MPPED2: variants seen among roughly 807,000 people sequenced by gnomAD.
The protein encoded by MPPED2 is metallophosphoesterase domain containing 2.
In MPPED2, 5 loss-of-function variants were observed where a neutral mutation model predicts 33.0. That is an observed-to-expected ratio of 0.15 (90% CI 0.08 to 0.32). MPPED2 has a LOEUF of 0.32. Ranked by LOEUF, MPPED2 falls within the 10% of genes least tolerant of loss-of-function variation. The pLI is 1.00. For missense variants in MPPED2, 275 were observed against 372.1 expected (o/e 0.74, Z 2.15); for synonymous variants, 136 against 141.9 (o/e 0.96, Z 0.29).
At chr11:30,467,484 T>G (rs950884555) in intron 4 of MPPED2, among the ~76,000 whole-genome samples, 1 of 152,034 alleles carries the variant, frequency 6.6e-6, no homozygotes, top group African/African-American at 2.4e-5. Context: ...TTGCCTGATT[T>G]TAAGGGCCCA....
intron 4 of MPPED2, among the ~76,000 whole-genome samples, chr11:30,467,074 C>T (rs1950740364): frequency 1.3e-5 from 2 of 152,160 alleles, no homozygotes; most frequent in African/African-American, 4.8e-5. Flanking sequence ...TCTAAGAAGA[C>T]CTCGTGCCCC....
At chr11:30,510,251 C>T (rs1223455046) in intron 3 of MPPED2, among the ~76,000 whole-genome samples, 2 of 152,072 alleles carry the variant, frequency 1.3e-5, no homozygotes, top group African/African-American at 4.8e-5. Flanking sequence ...TAAACATGAG[C>T]TTAAGCCAGG....
chr11:30,521,297 T>A (rs1454399411), intron 3 of MPPED2, among the ~76,000 whole-genome samples: 1 of 152,148 alleles, frequency 6.6e-6, no homozygotes, highest in Non-Finnish European at 1.5e-5. Context: ...TATAGGGATG[T>A]AACCATATGT....
intron 3 of MPPED2, among the ~76,000 whole-genome samples, chr11:30,507,028 A>T (rs1465022992): frequency 6.6e-6 from 1 of 152,258 alleles, no homozygotes; most frequent in African/African-American, 2.4e-5. Flanking sequence ...AGACTAAAAT[A>T]TAGAAATGAA....
chr11:30,537,584 C>G (rs1590764702), intron 2 of MPPED2, among the ~76,000 whole-genome samples: 1 of 152,170 alleles, frequency 6.6e-6, no homozygotes, highest in Middle Eastern at 3.4e-3. Context: ...CTGGATAGTC[C>G]CACATTTCTT....
At chr11:30,414,173 C>A in intron 6 of MPPED2, 55 bp downstream of exon 6, 1 of 1,233,456 alleles carries the variant, frequency 8.1e-7, no homozygotes, top group Non-Finnish European at 1.2e-6. Flanking sequence ...TAGTTGTAGA[C>A]TGAGATAGTG....
intron 4 of MPPED2, among the ~76,000 whole-genome samples, chr11:30,493,324 TCGCGCCACAGCA>T (rs1353229615): frequency 6.9e-6 from 1 of 144,408 alleles, no homozygotes; most frequent in Non-Finnish European, 1.5e-5. Flanking sequence ...TGAGCGGAGA[TCGCGCCACAGCA>T]CTCCCGCCTG....
chr11:30,491,071 G>A (rs1349612760), intron 4 of MPPED2, among the ~76,000 whole-genome samples: 1 of 152,130 alleles, frequency 6.6e-6, no homozygotes. Context: ...ATTATTTTGG[G>A]TTGAAATATC....
rs374096840 is a variant in MPPED2 at position 30,427,960 on chromosome 11, C to T, written c.537-10327G>A. Among the ~76,000 whole-genome samples, 203 of 152,246 alleles carry T rather than the reference C, an allele frequency of 1.3e-3. 1 individual carries two copies. Among genetic ancestry groups the T allele is most frequent in the African/African-American group, 4.7e-3 (194 of 41,534 alleles). ...AATTTGGAGAATTCAACATCTACTTCGACTCTACTTTTTCTAAGGTGGTTT... is the reference window on the plus strand; with the variant it reads ...AATTTGGAGAATTCAACATCTACTTTGACTCTACTTTTTCTAAGGTGGTTT... On this transcript the variant is annotated intron_variant, in intron 4 of 6. Coordinates refer to ENST00000358117, the MANE Select transcript of MPPED2 (RefSeq NM_001584.3).
intron 3 of MPPED2, among the ~76,000 whole-genome samples, chr11:30,521,697 C>A (rs1314852959): frequency 6.6e-6 from 1 of 152,156 alleles, no homozygotes; most frequent in African/African-American, 2.4e-5. Context: ...CTGACCTTTG[C>A]CAGTAAAATG....
downstream of MPPED2, among the ~76,000 whole-genome samples, chr11:30,408,766 G>A (rs1948029155): frequency 6.6e-6 from 1 of 152,198 alleles, no homozygotes; most frequent in Admixed American, 6.5e-5. Flanking sequence ...TCTGTAAAGC[G>A]AGGCTTATGT....
At chr11:30,434,232 T>C (rs1949217245) in intron 4 of MPPED2, among the ~76,000 whole-genome samples, 1 of 152,236 alleles carries the variant, frequency 6.6e-6, no homozygotes, top group Admixed American at 6.5e-5. Context: ...AGGGTCATTA[T>C]GCTGCCTACC....
chr11:30,455,630 G>T (rs192729587), intron 4 of MPPED2, among the ~76,000 whole-genome samples: 2 of 152,094 alleles, frequency 1.3e-5, no homozygotes, highest in African/African-American at 4.8e-5. Flanking sequence ...TACAACTTAC[G>T]CTTTCCTCCC....
rs1252731474 is a variant in MPPED2, at chr11:30,411,433, AC to A, written c.*34del. On this transcript the variant is annotated 3_prime_UTR_variant, in exon 7 of 7. Transcript: ENST00000358117. ...TAATTAGAAAAATGGCAGTTTATAG[AC>A]CTTCCCTCACATTCCAATAGGGCAT... is the stretch of plus-strand genomic sequence containing the variant. 6.3e-7 allele frequency: 1 copy of A among 1,591,750 alleles called. No individual in the cohort carries two copies. The highest frequency in any genetic ancestry group is 8.6e-7 in the Non-Finnish European group (1 of 1,166,266).
At chr11:30,405,598 C>T (rs1237035286), downstream of MPPED2, among the ~76,000 whole-genome samples, 1 of 152,144 alleles carries the variant, frequency 6.6e-6, no homozygotes, top group Non-Finnish European at 1.5e-5. Context: ...GACAAAAACC[C>T]ACCACAAATG....
chr11:30,452,561 A>T (rs1325866300), intron 4 of MPPED2, among the ~76,000 whole-genome samples: 2 of 152,222 alleles, frequency 1.3e-5, no homozygotes, highest in Non-Finnish European at 2.9e-5. Context: ...TTTGGGGTCC[A>T]ACTCGAACTT....
chr11:30,430,546 C>A (rs1313979875), intron 4 of MPPED2, among the ~76,000 whole-genome samples: 2 of 152,078 alleles, frequency 1.3e-5, no homozygotes, highest in South Asian at 2.1e-4. Flanking sequence ...CTGTCACAGG[C>A]CATATATAAT....
chr11:30,520,141 G>T (rs529778922), intron 3 of MPPED2, among the ~76,000 whole-genome samples: 2 of 152,002 alleles, frequency 1.3e-5, no homozygotes, highest in African/African-American at 4.8e-5. Context: ...AATTGTACAC[G>T]TTTATCCTGA....
At chr11:30,519,051 C>T (rs560374819) in intron 3 of MPPED2, among the ~76,000 whole-genome samples, 22 of 151,748 alleles carry the variant, frequency 1.4e-4, no homozygotes, top group African/African-American at 3.9e-4. Flanking sequence ...AAGGCCGGGG[C>T]GGGAGGATCA....
Sources: allele counts gnomAD v4.1 joint callset (sites outside exome capture counted in the v4.1 genomes callset), GRCh38; gene constraint gnomAD v4.1.1; transcripts MANE v1.5; gene names NCBI Gene and HGNC (gene_info 2026-07-23, HGNC 2026-07-21).